The following ANKRD17 variants were observed in gnomAD, a reference collection of about 807,000 sequenced individuals.
ANKRD17 encodes ankyrin repeat domain-containing protein 17.
In ANKRD17, 19 loss-of-function variants were observed where a neutral mutation model predicts 229.7. That is an observed-to-expected ratio of 0.08 (90% CI 0.06 to 0.12). ANKRD17 has a LOEUF of 0.12. Among genes scored for constraint, ANKRD17 ranks in the 10% least tolerant of loss-of-function variants. The pLI is 1.00. For synonymous variants in ANKRD17, 1,112 were observed against 1,146.1 expected (o/e 0.97, Z 0.60); for missense variants, 2,176 against 3,176.8 (o/e 0.68, Z 7.57).
At chr4:73,078,492 C>G in intron 31 of ANKRD17, 150 bp downstream of exon 31, 1 of 866,176 alleles carries the variant, frequency 1.2e-6, no homozygotes. Flanking sequence ...GAACCAAGAT[C>G]ACCCCATTGC....
chr4:73,132,237 T>C (rs1728313046), intron 16 of ANKRD17, among the ~76,000 whole-genome samples: 1 of 151,442 alleles, frequency 6.6e-6, no homozygotes, highest in Non-Finnish European at 1.5e-5. Context: ...GCCTCCCAAA[T>C]AGGTGGGATT....
intron 8 of ANKRD17, 55 bp from the exon 9 acceptor site, chr4:73,147,487 T>A: frequency 7.7e-7 from 1 of 1,304,024 alleles, no homozygotes; most frequent in Non-Finnish European, 1.0e-6. Flanking sequence ...TCCAGAGATA[T>A]GAAAAACATG....
At chr4:73,116,935 T>C (rs1251475042) in intron 22 of ANKRD17, among the ~76,000 whole-genome samples, 1 of 151,890 alleles carries the variant, frequency 6.6e-6, no homozygotes, top group African/African-American at 2.4e-5. Context: ...ATGGAACAAA[T>C]ACATAAGAGT....
chr4:73,137,326 AG>A (rs1195496645), intron 15 of ANKRD17, among the ~76,000 whole-genome samples: 1 of 152,124 alleles, frequency 6.6e-6, no homozygotes, highest in African/African-American at 2.4e-5. Flanking sequence ...CAGGTTAAAC[AG>A]GGAGCTGATT....
At chr4:73,112,012 T>C (rs1416758281) in intron 24 of ANKRD17, among the ~76,000 whole-genome samples, 3 of 151,994 alleles carry the variant, frequency 2.0e-5, no homozygotes, top group Non-Finnish European at 4.4e-5. Context: ...CATGAGGACA[T>C]CTAAGGGACA....
chr4:73,249,037 C>G (rs1360388327), intron 1 of ANKRD17, among the ~76,000 whole-genome samples: 2 of 152,082 alleles, frequency 1.3e-5, no homozygotes, highest in Admixed American at 1.3e-4. Flanking sequence ...CTTTTCTTGT[C>G]AATCTTCACA....
At chr4:73,171,243 G>C (rs1255228656) in intron 2 of ANKRD17, among the ~76,000 whole-genome samples, 1 of 150,762 alleles carries the variant, frequency 6.6e-6, no homozygotes, top group African/African-American at 2.4e-5. Flanking sequence ...ATTTGTTTGG[G>C]AGAAAGAAAA....
At chr4:73,114,210 C>T (rs1204186015) in intron 23 of ANKRD17, among the ~76,000 whole-genome samples, 1 of 152,088 alleles carries the variant, frequency 6.6e-6, no homozygotes, top group African/African-American at 2.4e-5. Flanking sequence ...GCAAACAGAA[C>T]TACAATAATT....
chr4:73,100,528 TA>T (rs1306934240), intron 25 of ANKRD17, among the ~76,000 whole-genome samples: 2 of 151,768 alleles, frequency 1.3e-5, no homozygotes, highest in Non-Finnish European at 2.9e-5. Context: ...GTTTGGAAAA[TA>T]TAAGTATGTA....
At chr4:73,218,719 C>T (rs1741444946) in intron 1 of ANKRD17, among the ~76,000 whole-genome samples, 1 of 151,714 alleles carries the variant, frequency 6.6e-6, no homozygotes, top group Admixed American at 6.6e-5. Context: ...ACTTCCACCT[C>T]TGTGAGACAA....
chr4:73,093,502 C>T (rs865797728), intron 28 of ANKRD17, among the ~76,000 whole-genome samples: 3 of 151,760 alleles, frequency 2.0e-5, no homozygotes, highest in Non-Finnish European at 4.4e-5. Context: ...CTCAGCCTCC[C>T]GAGTAGCTGA....
At chr4:73,226,254 C>G (rs181114136) in intron 1 of ANKRD17, among the ~76,000 whole-genome samples, 1 of 151,926 alleles carries the variant, frequency 6.6e-6, no homozygotes, top group African/African-American at 2.4e-5. Flanking sequence ...GGATAACAGG[C>G]GTGAGCCACC....
At chr4:73,201,029 G>T in intron 1 of ANKRD17, among the ~76,000 whole-genome samples, 1 of 146,558 alleles carries the variant, frequency 6.8e-6, no homozygotes, top group South Asian at 2.2e-4. Context: ...AATACTGCAT[G>T]TATTACAATA....
chr4:73,211,601 C>G (rs375252508), intron 1 of ANKRD17, among the ~76,000 whole-genome samples: 14 of 152,154 alleles, frequency 9.2e-5, no homozygotes, highest in African/African-American at 2.9e-4. Flanking sequence ...AATCTCAGCA[C>G]TTTGGGAGGC....
In ANKRD17 at chr4:73,142,382, C is replaced by G. The variant is rs755234934; in HGVS notation, c.2089G>C (p.Gly697Arg). 1 of 1,589,418 alleles carries G rather than the reference C, an allele frequency of 6.3e-7. No individual in the cohort carries two copies. Among genetic ancestry groups the G allele is most frequent in the Non-Finnish European group, 8.5e-7 (1 of 1,174,576 alleles). The change falls in exon 13 of 34, where the codon GGC becomes CGC. Residue 697 changes from glycine to arginine, a missense_variant. By Grantham distance (125) the Gly-to-Arg change is moderately radical. Coordinates refer to ENST00000358602, the MANE Select transcript of ANKRD17 (RefSeq NM_032217.5). ...GCTGCTTCTATCAACATAGTTGAGC[C>G]ATCCTAAAAGAGTGAATATGGAAGG... ...GADPTHRLKD[G>R]STMLIEAAKG...
At chr4:73,089,201 C>A (rs1226993505) in intron 29 of ANKRD17, among the ~76,000 whole-genome samples, 1 of 152,000 alleles carries the variant, frequency 6.6e-6, no homozygotes, top group Non-Finnish European at 1.5e-5. Context: ...CCATGCCCAG[C>A]TAATTTTTAT....
chr4:73,207,267 T>A (rs904362208), intron 1 of ANKRD17, among the ~76,000 whole-genome samples: 7 of 152,110 alleles, frequency 4.6e-5, no homozygotes, highest in African/African-American at 7.2e-5. Context: ...TATATAATAT[T>A]TGTCAATTTA....
At chr4:73,213,163 T>C (rs1214475815) in intron 1 of ANKRD17, among the ~76,000 whole-genome samples, 2 of 152,146 alleles carry the variant, frequency 1.3e-5, no homozygotes, top group Non-Finnish European at 2.9e-5. Context: ...TATATGTTGG[T>C]CTTATGATGA....
At chr4:73,098,716 G>T in intron 25 of ANKRD17, 196 bp from the exon 26 acceptor site, 1 of 890,480 alleles carries the variant, frequency 1.1e-6, no homozygotes, top group Non-Finnish European at 1.8e-6. Flanking sequence ...TCAAAGAATA[G>T]CAGGTAGTTA....
Sources: gnomAD v4.1 joint callset for allele counts (sites outside exome capture counted in the v4.1 genomes callset) on GRCh38, gnomAD v4.1.1 for gene constraint, MANE v1.5 for transcripts, NCBI Gene and HGNC (gene_info 2026-07-23, HGNC 2026-07-21) for gene names.